The following ACBD3 variants were observed in gnomAD, a reference collection of about 807,000 sequenced individuals.
The protein encoded by ACBD3 is acyl-CoA binding domain containing 3, also known as Golgi resident protein GCP60.
ACBD3 carries 30 observed loss-of-function variants against 66.9 expected under a neutral mutation model. The ratio of observed to expected loss-of-function variants is 0.45; its 90% confidence interval spans 0.34 to 0.61. The LOEUF is 0.61. Among genes scored for constraint, ACBD3 ranks in the 20% least tolerant of loss-of-function variants. The pLI is 0.02. For missense variants in ACBD3, 544 were observed against 664.5 expected, an observed-to-expected ratio of 0.82 and a Z score of 1.99; for synonymous variants, 278 against 259.8, an observed-to-expected ratio of 1.07 and a Z score of -0.68.
intron 4 of ACBD3, among the ~76,000 whole-genome samples, chr1:226,159,721 G>A (rs922448460): frequency 6.6e-6 from 1 of 152,076 alleles, no homozygotes. Flanking sequence ...TCTGACAGAG[G>A]GTTCAGTAAC....
intron 1 of ACBD3, among the ~76,000 whole-genome samples, chr1:226,172,066 A>G (rs934895325): frequency 2.1e-5 from 3 of 144,882 alleles, no homozygotes; most frequent in African/African-American, 7.6e-5. Flanking sequence ...AAAGCAGGAG[A>G]GTTGCTTGAA....
At chr1:226,183,333 G>A (rs1299446149) in intron 1 of ACBD3, among the ~76,000 whole-genome samples, 1 of 151,884 alleles carries the variant, frequency 6.6e-6, no homozygotes, top group Non-Finnish European at 1.5e-5. Flanking sequence ...CTGCCACCAC[G>A]CCCAGCTAAT....
In ACBD3 at chr1:226,185,589, C is replaced by T. The variant is rs147561642; in HGVS notation, c.286+801G>A. On this transcript the variant is annotated intron_variant, in intron 1 of 7. Transcript: ENST00000366812. ...CTGACAAAAATCATGTGATTGGTCT[C>T]TCCACCATTCGACTAAGTGAATCAC... 2.4e-3 allele frequency among the ~76,000 whole-genome samples: 371 copies of T among 151,512 alleles called. 8 individuals carry two copies. In the South Asian group the frequency reaches 0.055, roughly 23 times the overall value.
rs1659427065 is a variant in ACBD3 at position 226,145,386 on chromosome 1, T to C, written c.*1224A>G. ...AACAACATACAATAACAACATTAAG[T>C]GTATATTGCCATCTTTGTCATTTTC... On this transcript the variant is annotated 3_prime_UTR_variant, in exon 8 of 8. Transcript: ENST00000366812. The C allele has an allele frequency of 6.6e-6, 1 of 152,396 alleles. No individual in the cohort carries two copies. Among genetic ancestry groups the C allele is most frequent in the African/African-American group, 2.4e-5 (1 of 41,436 alleles). 9.4% of individuals were successfully genotyped at this position (152,396 alleles called of 1,614,324 possible).
intron 7 of ACBD3, 57 bp from the exon 8 acceptor site, chr1:226,146,878 G>A (rs1659464842): frequency 4.8e-6 from 7 of 1,473,650 alleles, no homozygotes; most frequent in Non-Finnish European, 6.6e-6. Flanking sequence ...CTTGCATCAG[G>A]CAATTAAAAT....
At chr1:226,162,163 C>T (rs953830192) in intron 3 of ACBD3, among the ~76,000 whole-genome samples, 5 of 151,918 alleles carry the variant, frequency 3.3e-5, no homozygotes, top group African/African-American at 9.7e-5. Flanking sequence ...AACAAGCACT[C>T]GACAAACGTG....
At position 226,146,744 on chromosome 1, in the gene ACBD3, G is replaced by A. The variant is rs746859670; in HGVS notation, c.1453C>T (p.Arg485Trp). The A allele has an allele frequency of 3.1e-6, 5 of 1,614,014 alleles. No individual in the cohort carries two copies. The highest frequency in any genetic ancestry group is 3.4e-6 in the Non-Finnish European group (4 of 1,180,020). Reference sequence around the variant, plus strand: ...GCATACACCTCCTCATGACAGTCCCGTCGGTACACAGGCACAATCTCATCC... The same window carrying A: ...GCATACACCTCCTCATGACAGTCCCATCGGTACACAGGCACAATCTCATCC... ...LLDEIVPVYRRDCHEEVYAGS... is the reference protein window; with the variant it reads ...LLDEIVPVYRWDCHEEVYAGS... The change falls in exon 8 of 8, where the codon CGG becomes TGG. Residue 485 changes from arginine (R) to tryptophan (W), a missense_variant. Physicochemically the swap from Arg to Trp is moderately radical, Grantham distance 101. Coordinates refer to ENST00000366812, the MANE Select transcript of ACBD3 (RefSeq NM_022735.4).
Position 226,146,873 on chromosome 1 carries a change from A to G in ACBD3, c.1376-52T>C, listed in dbSNP as rs1458359509. The G allele has an allele frequency of 2.6e-6, 4 of 1,531,522 alleles. No individual in the cohort carries two copies. The East Asian group carries it at 6.7e-5, about 26-fold the overall frequency. The allele number at this position is 1,531,522 out of a possible 1,614,324, so 94.9% of individuals were successfully genotyped here. A position where few individuals can be genotyped will look rare whatever the true frequency, so the allele number is the denominator to read the frequency against. On this transcript the variant is annotated intron_variant, in intron 7 of 7. Coordinates refer to ENST00000366812, the MANE Select transcript of ACBD3 (RefSeq NM_022735.4). ...ACAGATTCAGGAAAACCACACTTGC[A>G]TCAGGCAATTAAAATCTATCCTTTC...
At chr1:226,170,606 TACAC>T (rs562842502) in intron 1 of ACBD3, among the ~76,000 whole-genome samples, 3 of 152,048 alleles carry the variant, frequency 2.0e-5, no homozygotes, top group Non-Finnish European at 2.9e-5. Context: ...ATTTCGAACA[TACAC>T]ACACACAAAA....
At chr1:226,154,150 G>A (rs1287852817) in intron 6 of ACBD3, among the ~76,000 whole-genome samples, 1 of 152,192 alleles carries the variant, frequency 6.6e-6, no homozygotes, top group Non-Finnish European at 1.5e-5. Flanking sequence ...CTGACCCACT[G>A]AAGCTGTACA....
intron 1 of ACBD3, among the ~76,000 whole-genome samples, chr1:226,170,063 T>C (rs1659962876): frequency 6.7e-6 from 1 of 150,302 alleles, no homozygotes; most frequent in South Asian, 2.1e-4. Flanking sequence ...TGTCATTTTA[T>C]CTTGAGCCTA....
chr1:226,175,454 G>A (rs10915955), intron 1 of ACBD3, among the ~76,000 whole-genome samples: 22,311 of 152,174 alleles, frequency 0.15, 1,825 homozygotes, highest in East Asian at 0.22. Flanking sequence ...ACTGATTCAA[G>A]AATTTAAGGA....
chr1:226,181,439 C>A (rs1280157926), intron 1 of ACBD3, among the ~76,000 whole-genome samples: 9 of 152,060 alleles, frequency 5.9e-5, no homozygotes, highest in Admixed American at 1.3e-4. Context: ...TAATATAATT[C>A]TCTCCCAACA....
chr1:226,155,864 G>GA (rs35323895), intron 5 of ACBD3, among the ~76,000 whole-genome samples: 5 of 152,176 alleles, frequency 3.3e-5, no homozygotes, highest in Non-Finnish European at 7.4e-5. Context: ...AGTTATGATT[G>GA]AAATGTGTAT....
In ACBD3 at chr1:226,165,896, C is replaced by T. The variant is rs1659868493; in HGVS notation, c.391G>A (p.Glu131Lys). The part of the protein sequence containing the change: ...MGPYNPDTCP[E>K]VGFFDVLGND... ...CCCAACACATCAAAGAATCCAACCT[C>T]AGGACAAGTGTCTGGATTATATGGG... Residue 131 changes from glutamate to lysine, a missense_variant, in exon 2 of 8, where the codon GAG becomes AAG. Glu to Lys is a moderately conservative substitution (Grantham distance 56). This residue lies in a region of ACBD3 where 24 missense variants were observed against 56.2 expected (regional missense o/e 0.43). Transcript: ENST00000366812. 6.2e-7 allele frequency: 1 copy of T among 1,612,390 alleles called. No homozygotes were observed. Among genetic ancestry groups the T allele is most frequent in the Non-Finnish European group, 8.5e-7 (1 of 1,179,562 alleles).
intron 1 of ACBD3, among the ~76,000 whole-genome samples, chr1:226,168,746 C>T (rs1659920238): frequency 6.6e-6 from 1 of 152,222 alleles, no homozygotes; most frequent in South Asian, 2.1e-4. Context: ...ACATACAACA[C>T]ATAATACTTG....
intron 1 of ACBD3, among the ~76,000 whole-genome samples, chr1:226,183,691 C>T (rs924855907): frequency 6.6e-6 from 1 of 151,612 alleles, no homozygotes; most frequent in South Asian, 2.1e-4. Context: ...GTCGGCAGTT[C>T]GAGACCAGCA....
At chr1:226,155,912 T>C (rs1023284786) in intron 5 of ACBD3, among the ~76,000 whole-genome samples, 2 of 152,212 alleles carry the variant, frequency 1.3e-5, no homozygotes, top group Admixed American at 6.5e-5. Context: ...TGAGTCAAAA[T>C]GGCAGTAAAA....
intron 1 of ACBD3, among the ~76,000 whole-genome samples, chr1:226,177,103 A>G (rs1437450137): frequency 6.6e-6 from 1 of 151,968 alleles, no homozygotes; most frequent in Non-Finnish European, 1.5e-5. Flanking sequence ...TTCTCACATC[A>G]AAGTACTGGG....
Sources: gnomAD v4.1 joint callset for allele counts (sites outside exome capture counted in the v4.1 genomes callset) on GRCh38, gnomAD v4.1.1 for gene constraint, gnomAD v4.1.1 regional missense constraint, MANE v1.5 for transcripts, NCBI Gene and HGNC (gene_info 2026-07-23, HGNC 2026-07-21) for gene names.